The following ADPGK variants were observed in gnomAD, a reference collection of about 807,000 sequenced individuals.
ADPGK encodes ADP dependent glucokinase.
In ADPGK, 26 loss-of-function variants were observed where a neutral mutation model predicts 42.4. The ratio of observed to expected loss-of-function variants is 0.61; its 90% confidence interval spans 0.45 to 0.85. The LOEUF (loss-of-function observed/expected upper bound fraction) is 0.85, where lower values mean the gene tolerates loss of function less well. ADPGK is among the 40% of genes least tolerant of loss of function. The pLI is 0.00. For synonymous variants in ADPGK, 267 were observed against 252.6 expected, an observed-to-expected ratio of 1.06 and a Z score of -0.54; for missense variants, 571 against 627.0, an observed-to-expected ratio of 0.91 and a Z score of 0.95.
chr15:72,773,012 T>G (rs1166277767), intron 2 of ADPGK, among the ~76,000 whole-genome samples: 1 of 151,992 alleles, frequency 6.6e-6, no homozygotes, highest in East Asian at 1.9e-4. Flanking sequence ...AGGCATAGAC[T>G]AAACCAGGGG....
At chr15:72,775,204 A>G (rs2151090665) in intron 1 of ADPGK, 107 bp from the exon 2 acceptor site, 1 of 953,300 alleles carries the variant, frequency 1.0e-6, no homozygotes, top group Admixed American at 2.2e-5. Context: ...CAGAAAAAAC[A>G]GGAAGTAGGT....
Position 72,756,423 on chromosome 15 carries a change from GC to G in ADPGK, c.667del (p.Ala223LeufsTer18). On this transcript the variant is annotated frameshift_variant, in exon 5 of 7. Coordinates refer to ENST00000456471, the MANE Select transcript of ADPGK (RefSeq NM_001365225.1). LOFTEE classifies it high-confidence loss of function. ...GAAGATGAATCGGTTGGCATGGGGA[GC>G]TTTTAACTGGCCCCACTCCTCCCCT... ...QAGEEWGQLK[A>X]PHANRFIFSH... The G allele has an allele frequency of 6.2e-7, 1 of 1,614,176 alleles. No homozygotes were observed. Among genetic ancestry groups the G allele is most frequent in the Non-Finnish European group, 8.5e-7 (1 of 1,180,034 alleles).
chr15:72,764,251 A>G (rs1048448430), intron 3 of ADPGK, among the ~76,000 whole-genome samples: 9 of 152,384 alleles, frequency 5.9e-5, no homozygotes, highest in Admixed American at 2.0e-4. Context: ...GAAGGAAATT[A>G]AAAGTGCTAC....
chr15:72,755,097 A>AC (rs1350348265), intron 6 of ADPGK, among the ~76,000 whole-genome samples: 7 of 152,200 alleles, frequency 4.6e-5, no homozygotes, highest in Non-Finnish European at 1.0e-4. Flanking sequence ...TGGCATGCGA[A>AC]CCCAGGTCTC....
chr15:72,754,429 T>C (rs34660767), intron 6 of ADPGK, among the ~76,000 whole-genome samples: 27,480 of 152,204 alleles, frequency 0.18, 2,840 homozygotes, highest in African/African-American at 0.28. Context: ...CAAGTATTTG[T>C]AATTATTGCC....
At position 72,774,910 on chromosome 15, in the gene ADPGK, C is replaced by T. The variant is rs775339110; in HGVS notation, c.421G>A (p.Asp141Asn). The T allele has an allele frequency of 9.7e-5, 156 of 1,614,088 alleles. No homozygotes were observed. The highest frequency in any genetic ancestry group is 1.6e-4 in the East Asian group (7 of 44,878). The change falls in exon 2 of 7, where the codon GAC becomes AAC. Residue 141 changes from aspartate (D) to asparagine (N), a missense_variant. Transcript: ENST00000456471. ...AACTCTGATGCAACCTGGGCAATGT[C>T]GTGAAAAGTTTCCTTATCACTGAAG... ...RFFSDKETFHDIAQVASEFPG... is the reference protein window; with the variant it reads ...RFFSDKETFHNIAQVASEFPG...
At chr15:72,772,870 T>C (rs955780002) in intron 2 of ADPGK, among the ~76,000 whole-genome samples, 1 of 152,134 alleles carries the variant, frequency 6.6e-6, no homozygotes, top group African/African-American at 2.4e-5. Context: ...TTGCTAAGGA[T>C]GGATCCATAT....
chr15:72,772,651 AC>A (rs1404253658), intron 2 of ADPGK, among the ~76,000 whole-genome samples: 1 of 152,130 alleles, frequency 6.6e-6, no homozygotes, highest in African/African-American at 2.4e-5. Context: ...CGGGGCAGGG[AC>A]TGTCTTCTTC....
intron 4 of ADPGK, chr15:72,758,114 T>C: frequency 6.2e-7 from 1 of 1,613,424 alleles, no homozygotes; most frequent in Non-Finnish European, 8.5e-7. Context: ...CTCCATCATG[T>C]GCAATCCAGA....
chr15:72,770,786 A>G (rs1456802278), intron 3 of ADPGK, among the ~76,000 whole-genome samples: 1 of 152,176 alleles, frequency 6.6e-6, no homozygotes, highest in Non-Finnish European at 1.5e-5. Context: ...AAGCACATCT[A>G]TCTCCAGGTG....
At chr15:72,763,078 C>T (rs1273165710) in intron 3 of ADPGK, among the ~76,000 whole-genome samples, 2 of 152,204 alleles carry the variant, frequency 1.3e-5, no homozygotes, top group African/African-American at 2.4e-5. Flanking sequence ...AATTTATCAC[C>T]AGCAGACTCG....
At position 72,783,748 on chromosome 15, in the gene ADPGK, C is replaced by G; in HGVS notation, c.-57G>C. 1.4e-6 allele frequency: 2 copies of G among 1,390,616 alleles called. No homozygotes were observed. The highest frequency in any genetic ancestry group is 1.9e-6 in the Non-Finnish European group (2 of 1,072,720). The allele number at this position is 1,390,616 out of a possible 1,614,324, so 86.1% of individuals were successfully genotyped here. ...ACTCCTTTCCTAGCCCGCGCCTCTT[C>G]CGGGCTCGGCGCGCGCCGATGTCGA... is the stretch of plus-strand genomic sequence containing the variant. On this transcript the variant is annotated 5_prime_UTR_variant, in exon 1 of 7. Transcript: ENST00000456471.
intron 4 of ADPGK, 99 bp from the exon 5 acceptor site, chr15:72,756,546 C>CTGTG: frequency 1.5e-6 from 2 of 1,334,046 alleles, no homozygotes; most frequent in South Asian, 1.4e-5. Flanking sequence ...GCCTTGGCTC[C>CTGTG]AAGCAGGCTG....
chr15:72,758,619 G>A (rs1381683254), intron 4 of ADPGK: 1 of 189,804 alleles, frequency 5.3e-6, no homozygotes, highest in Non-Finnish European at 1.1e-5. Context: ...AGAGGCATAG[G>A]AAAGAAAAAC....
At chr15:72,770,733 T>C (rs1312773077) in intron 3 of ADPGK, among the ~76,000 whole-genome samples, 1 of 152,250 alleles carries the variant, frequency 6.6e-6, no homozygotes, top group Non-Finnish European at 1.5e-5. Flanking sequence ...TTGATTCCTA[T>C]TAAAATATGA....
chr15:72,770,688 A>G (rs1258291045), intron 3 of ADPGK, among the ~76,000 whole-genome samples: 1 of 152,180 alleles, frequency 6.6e-6, no homozygotes, highest in Non-Finnish European at 1.5e-5. Flanking sequence ...ATTCTTTCTT[A>G]AAAGTATTTT....
At chr15:72,777,504 T>C (rs2066404829) in intron 1 of ADPGK, among the ~76,000 whole-genome samples, 1 of 151,890 alleles carries the variant, frequency 6.6e-6, no homozygotes, top group Non-Finnish European at 1.5e-5. Context: ...ATGGTGAAAC[T>C]CCATCTCTAA....
intron 5 of ADPGK, 110 bp downstream of exon 5, chr15:72,756,141 A>G (rs1351114081): frequency 3.0e-6 from 4 of 1,352,134 alleles, no homozygotes; most frequent in Non-Finnish European, 4.2e-6. Flanking sequence ...CTGCCAAGAT[A>G]TGTCCCTGGG....
At chr15:72,769,353 T>C (rs1432319236) in intron 3 of ADPGK, among the ~76,000 whole-genome samples, 3 of 152,184 alleles carry the variant, frequency 2.0e-5, no homozygotes, top group Non-Finnish European at 2.9e-5. Context: ...TCCACAAGTA[T>C]ATATTTTTTT....
Sources: gnomAD v4.1 joint callset for allele counts (sites outside exome capture counted in the v4.1 genomes callset) on GRCh38, gnomAD v4.1.1 for gene constraint, MANE v1.5 for transcripts, NCBI Gene and HGNC (gene_info 2026-07-23, HGNC 2026-07-21) for gene names.